ZBTB7C: variants seen among roughly 807,000 people sequenced by gnomAD.
The protein encoded by ZBTB7C is zinc finger and BTB domain containing 7C, also known as zinc finger and BTB domain-containing protein 7C.
A neutral mutation model predicts 25.7 loss-of-function variants in ZBTB7C; 8 were observed. The ratio of observed to expected loss-of-function variants is 0.31; its 90% CI spans 0.18 to 0.56. ZBTB7C has a LOEUF of 0.56. ZBTB7C is among the 20% of genes least tolerant of loss of function. The pLI, the probability that ZBTB7C is intolerant of heterozygous loss-of-function variation, is 0.91. For synonymous variants in ZBTB7C, 394 were observed against 369.0 expected (o/e 1.07, Z -0.78); for missense variants, 824 against 855.2 (o/e 0.96, Z 0.46).
At chr18:48,307,803 A>T (rs1457822118) in intron 2 of ZBTB7C, among the ~76,000 whole-genome samples, 1 of 152,308 alleles carries the variant, frequency 6.6e-6, no homozygotes, top group Middle Eastern at 3.4e-3. Flanking sequence ...AGCTGAGATC[A>T]CGCCACAGCA....
chr18:48,177,694 A>G (rs1299140379), intron 3 of ZBTB7C, among the ~76,000 whole-genome samples: 1 of 151,976 alleles, frequency 6.6e-6, no homozygotes, highest in Non-Finnish European at 1.5e-5. Context: ...CTTGGGTCCA[A>G]GAACTTGGGG....
At chr18:48,254,424 T>A (rs901499654) in intron 2 of ZBTB7C, among the ~76,000 whole-genome samples, 2 of 152,202 alleles carry the variant, frequency 1.3e-5, no homozygotes, top group Non-Finnish European at 2.9e-5. Context: ...TATGTAAACA[T>A]CACACATGGT....
At chr18:48,072,827 C>T (rs1010425161) in intron 3 of ZBTB7C, among the ~76,000 whole-genome samples, 2 of 152,226 alleles carry the variant, frequency 1.3e-5, no homozygotes, top group African/African-American at 2.4e-5. Flanking sequence ...AGCCGCTCTC[C>T]GCTTCATCCT....
At chr18:48,389,231 T>C (rs1599020736) in intron 1 of ZBTB7C, among the ~76,000 whole-genome samples, 1 of 70,272 alleles carries the variant, frequency 1.4e-5, no homozygotes, top group South Asian at 6.3e-4. Context: ...TCTCTCTCTC[T>C]CTCTCGTGTG....
intron 2 of ZBTB7C, among the ~76,000 whole-genome samples, chr18:48,206,457 C>T (rs947135457): frequency 4.6e-5 from 7 of 152,060 alleles, no homozygotes; most frequent in African/African-American, 1.7e-4. Context: ...GAGTTAGAGA[C>T]CAGTCTGGGC....
chr18:48,402,531 C>T (rs1046022963), intron 1 of ZBTB7C, among the ~76,000 whole-genome samples: 1 of 152,190 alleles, frequency 6.6e-6, no homozygotes, highest in African/African-American at 2.4e-5. Context: ...CAACTGTTTT[C>T]CTTACGCAAA....
At chr18:48,265,961 T>C (rs2044301699) in intron 2 of ZBTB7C, among the ~76,000 whole-genome samples, 1 of 152,140 alleles carries the variant, frequency 6.6e-6, no homozygotes, top group Non-Finnish European at 1.5e-5. Flanking sequence ...TTCCTGGTTT[T>C]GGTGGCTGTG....
chr18:48,152,984 C>T (rs1187848733), intron 3 of ZBTB7C, among the ~76,000 whole-genome samples: 1 of 152,220 alleles, frequency 6.6e-6, no homozygotes, highest in Non-Finnish European at 1.5e-5. Context: ...ACAATGGGTA[C>T]CCGAAGCCAG....
At chr18:48,284,106 C>T (rs992445866) in intron 2 of ZBTB7C, among the ~76,000 whole-genome samples, 2 of 151,736 alleles carry the variant, frequency 1.3e-5, no homozygotes, top group Admixed American at 1.3e-4. Context: ...GAGATTGCAC[C>T]ACTGCACTTC....
chr18:48,383,422 C>T (rs934843420), intron 1 of ZBTB7C, among the ~76,000 whole-genome samples: 1 of 151,996 alleles, frequency 6.6e-6, no homozygotes, highest in Non-Finnish European at 1.5e-5. Context: ...CACACCACCA[C>T]CCCTGGCTAA....
At chr18:48,151,398 G>A (rs947125341) in intron 3 of ZBTB7C, among the ~76,000 whole-genome samples, 1 of 152,152 alleles carries the variant, frequency 6.6e-6, no homozygotes, top group Non-Finnish European at 1.5e-5. Flanking sequence ...AAGGATGAAA[G>A]GGGGTATGAA....
intron 3 of ZBTB7C, among the ~76,000 whole-genome samples, chr18:48,173,268 C>T (rs375058432): frequency 3.3e-5 from 5 of 152,184 alleles, no homozygotes; most frequent in East Asian, 3.8e-4. Context: ...TCAGGCCCCA[C>T]GCCAACTGAA....
chr18:48,388,125 C>A (rs2047794413), intron 1 of ZBTB7C, among the ~76,000 whole-genome samples: 1 of 152,168 alleles, frequency 6.6e-6, no homozygotes, highest in Non-Finnish European at 1.5e-5. Flanking sequence ...CTGCACCTGG[C>A]CTCTGTAGGT....
intron 3 of ZBTB7C, among the ~76,000 whole-genome samples, chr18:48,063,925 C>T (rs4567800): frequency 0.58 from 88,232 of 151,460 alleles, 27,296 homozygotes; most frequent in African/African-American, 0.8. Flanking sequence ...TAATTAAATA[C>T]TTATTAATAA....
rs1010898699 is a variant in ZBTB7C, at chr18:48,028,368, G to A, written c.*892C>T. On this transcript the variant is annotated 3_prime_UTR_variant, in exon 5 of 5. Transcript: ENST00000590800. The stretch of plus-strand genomic sequence containing the variant: ...ATTCTGAGTTCGCAGAGCTACCTGT[G>A]GGCTTTGCTGAAGCTCGGAAGCTCC... 6.6e-6 allele frequency: 1 copy of A among 152,196 alleles called. No individual in the cohort carries two copies. The highest frequency in any genetic ancestry group is 2.4e-5 in the African/African-American group (1 of 41,440). The allele number at this position is 152,196 out of a possible 1,614,324, so 9.4% of individuals were successfully genotyped here.
At chr18:48,310,190 A>G (rs1208364726) in intron 2 of ZBTB7C, among the ~76,000 whole-genome samples, 1 of 151,842 alleles carries the variant, frequency 6.6e-6, no homozygotes, top group Non-Finnish European at 1.5e-5. Flanking sequence ...AGATCACGCC[A>G]CTGCACTCCA....
chr18:48,135,288 TA>T (rs1211146210), intron 3 of ZBTB7C, among the ~76,000 whole-genome samples: 13 of 151,946 alleles, frequency 8.6e-5, no homozygotes, highest in Non-Finnish European at 1.6e-4. Flanking sequence ...AAAATGACAT[TA>T]AAAAAAGTTA....
At chr18:48,204,157 C>T (rs1277954181) in intron 2 of ZBTB7C, among the ~76,000 whole-genome samples, 1 of 152,204 alleles carries the variant, frequency 6.6e-6, no homozygotes, top group Non-Finnish European at 1.5e-5. Flanking sequence ...TCCATCAGGT[C>T]ACACTGCTTG....
At chr18:48,408,174 C>T (rs2048325584) in intron 1 of ZBTB7C, among the ~76,000 whole-genome samples, 1 of 152,228 alleles carries the variant, frequency 6.6e-6, no homozygotes, top group Non-Finnish European at 1.5e-5. Context: ...GCGCCCGCGC[C>T]GCGGAAGGTT....
Sources: gnomAD v4.1 joint callset for allele counts (sites outside exome capture counted in the v4.1 genomes callset) on GRCh38, gnomAD v4.1.1 for gene constraint, MANE v1.5 for transcripts, NCBI Gene and HGNC (gene_info 2026-07-23, HGNC 2026-07-21) for gene names.